ZFAND3: variants seen among roughly 807,000 people sequenced by gnomAD.
ZFAND3 encodes the protein zinc finger AN1-type containing 3.
Under a neutral mutation model 29.6 loss-of-function variants are expected in ZFAND3, and 10 were observed. The ratio of observed to expected loss-of-function variants is 0.34; its 90% confidence interval spans 0.21 to 0.57. The LOEUF is 0.57. Ranked by LOEUF, ZFAND3 falls within the 20% of genes least tolerant of loss-of-function variation. The probability of loss-of-function intolerance (pLI) is 0.86; values close to 1 mark genes in which losing one functional copy is unlikely to be tolerated. For synonymous variants in ZFAND3, 128 were observed against 112.6 expected (o/e 1.14, Z -0.87); for missense variants, 230 against 304.5 (o/e 0.76, Z 1.82).
At chr6:37,955,343 T>C (rs968733810) in intron 2 of ZFAND3, among the ~76,000 whole-genome samples, 8 of 152,186 alleles carry the variant, frequency 5.3e-5, no homozygotes, top group Admixed American at 2.6e-4. Flanking sequence ...CTAAAAGATA[T>C]GTTGTTTAGT....
At chr6:38,081,899 T>C (rs1764668553) in intron 3 of ZFAND3, among the ~76,000 whole-genome samples, 1 of 152,146 alleles carries the variant, frequency 6.6e-6, no homozygotes, top group Non-Finnish European at 1.5e-5. Context: ...ATGATTCTTA[T>C]TTCTTCTGAC....
At chr6:38,085,687 G>A (rs996236501) in intron 4 of ZFAND3, among the ~76,000 whole-genome samples, 1 of 151,844 alleles carries the variant, frequency 6.6e-6, no homozygotes, top group African/African-American at 2.4e-5. Flanking sequence ...CAGTCCTCTC[G>A]CCTTGACCTC....
intron 2 of ZFAND3, among the ~76,000 whole-genome samples, chr6:38,027,151 T>C (rs1269146387): frequency 6.6e-6 from 1 of 152,246 alleles, no homozygotes; most frequent in Non-Finnish European, 1.5e-5. Flanking sequence ...GTCTTGGGGT[T>C]ACAAACATGT....
chr6:37,889,623 TGCATTA>T (rs893063275), intron 1 of ZFAND3, among the ~76,000 whole-genome samples: 6 of 152,224 alleles, frequency 3.9e-5, no homozygotes, highest in Non-Finnish European at 8.8e-5. Flanking sequence ...AAATGGTAAA[TGCATTA>T]GCCTGTGAGA....
intron 4 of ZFAND3, among the ~76,000 whole-genome samples, chr6:38,090,079 C>T (rs1422494778): frequency 1.3e-5 from 2 of 152,178 alleles, no homozygotes; most frequent in African/African-American, 4.8e-5. Context: ...TCTCGAACTC[C>T]TGACCTCAAG....
At chr6:37,962,353 A>G (rs910686281) in intron 2 of ZFAND3, among the ~76,000 whole-genome samples, 1 of 152,222 alleles carries the variant, frequency 6.6e-6, no homozygotes, top group Non-Finnish European at 1.5e-5. Context: ...GATCTAGAGA[A>G]TAGCTATAAG....
chr6:37,946,866 G>A (rs748908912), intron 2 of ZFAND3, among the ~76,000 whole-genome samples: 45 of 152,172 alleles, frequency 3.0e-4, no homozygotes, highest in Non-Finnish European at 5.1e-4. Context: ...GTGGTTTCCA[G>A]GGGCTAGAGG....
intron 1 of ZFAND3, among the ~76,000 whole-genome samples, chr6:37,908,287 G>A (rs1765446189): frequency 6.6e-6 from 1 of 152,130 alleles, no homozygotes; most frequent in Non-Finnish European, 1.5e-5. Context: ...TAGCACACCA[G>A]TGATAAAGTG....
chr6:37,930,785 T>C (rs1761580554), intron 2 of ZFAND3, among the ~76,000 whole-genome samples: 1 of 152,234 alleles, frequency 6.6e-6, no homozygotes, highest in African/African-American at 2.4e-5. Context: ...AATAAGTCTT[T>C]GCTAATTAGG....
intron 1 of ZFAND3, among the ~76,000 whole-genome samples, chr6:37,821,344 G>T (rs925760312): frequency 6.6e-6 from 1 of 152,208 alleles, no homozygotes; most frequent in African/African-American, 2.4e-5. Flanking sequence ...AAAATAAGTT[G>T]TGGCATATAA....
intron 5 of ZFAND3, among the ~76,000 whole-genome samples, chr6:38,135,992 T>C (rs1048231716): frequency 6.6e-6 from 1 of 152,036 alleles, no homozygotes; most frequent in African/African-American, 2.4e-5. Flanking sequence ...AAGAAATCCA[T>C]GTGTTGGAGA....
Position 37,932,870 on chromosome 6 carries a change from C to T in ZFAND3, c.112+2871C>T, listed in dbSNP as rs553636860. Among the ~76,000 whole-genome samples, 470 of 152,190 alleles carry T rather than the reference C, an allele frequency of 3.1e-3. 3 individuals are homozygous for T. The highest frequency in any genetic ancestry group is 0.011 in the African/African-American group (444 of 41,496). On this transcript the variant is annotated intron_variant, in intron 2 of 5. Transcript: ENST00000287218. ...TTTTCAAGTATCTAAAGAAAATATT[C>T]GCTTCTCTCTATATTTTTTACCTAC...
chr6:37,889,882 G>A lies in ZFAND3; in HGVS notation c.72-40077G>A, dbSNP rs116465893. 1.2e-3 allele frequency among the ~76,000 whole-genome samples: 189 copies of A among 152,294 alleles called. 1 individual carries two copies. Among genetic ancestry groups the A allele is most frequent in the African/African-American group, 4.3e-3 (180 of 41,552 alleles). On this transcript the variant is annotated intron_variant, in intron 1 of 5. Transcript: ENST00000287218. Reference sequence around the variant, plus strand: ...AGAAGCTACATAATACATATTTTAAGCAGCGATTTATTTCTGATTATTTTT... The same window carrying A: ...AGAAGCTACATAATACATATTTTAAACAGCGATTTATTTCTGATTATTTTT...
intron 2 of ZFAND3, among the ~76,000 whole-genome samples, chr6:37,990,821 T>C (rs1784684977): frequency 2.6e-5 from 4 of 152,210 alleles, no homozygotes; most frequent in Admixed American, 1.3e-4. Flanking sequence ...ATGGTACCAG[T>C]TTAACCAGCA....
chr6:38,058,398 C>T (rs1220265831), intron 2 of ZFAND3, among the ~76,000 whole-genome samples: 1 of 152,178 alleles, frequency 6.6e-6, no homozygotes, highest in Non-Finnish European at 1.5e-5. Flanking sequence ...ATCATTATTG[C>T]AGTATTTTTA....
At chr6:37,866,632 C>T (rs969117555) in intron 1 of ZFAND3, among the ~76,000 whole-genome samples, 10 of 152,160 alleles carry the variant, frequency 6.6e-5, no homozygotes, top group Non-Finnish European at 1.0e-4. Context: ...GTGGTTTTCA[C>T]AGGACACTCC....
intron 2 of ZFAND3, among the ~76,000 whole-genome samples, chr6:37,942,805 G>T (rs1761834962): frequency 6.6e-6 from 1 of 152,060 alleles, no homozygotes; most frequent in South Asian, 2.1e-4. Flanking sequence ...TTCTGTTATT[G>T]TATTTGCATC....
chr6:37,983,787 G>T (rs1418131385), intron 2 of ZFAND3, among the ~76,000 whole-genome samples: 2 of 152,156 alleles, frequency 1.3e-5, no homozygotes, highest in African/African-American at 2.4e-5. Context: ...GCTTATACAG[G>T]TTTGTAGTCC....
At chr6:37,951,645 T>C (rs186902807) in intron 2 of ZFAND3, among the ~76,000 whole-genome samples, 1 of 152,240 alleles carries the variant, frequency 6.6e-6, no homozygotes, top group Admixed American at 6.5e-5. Context: ...CAGAAAGCGA[T>C]AGTTTGACTT....
Sources: allele counts gnomAD v4.1 joint callset (sites outside exome capture counted in the v4.1 genomes callset), GRCh38; gene constraint gnomAD v4.1.1; transcripts MANE v1.5; gene names NCBI Gene and HGNC (gene_info 2026-07-23, HGNC 2026-07-21).